Variants in GPC5 observed in about 807,000 individuals in gnomAD.
GPC5 encodes glypican 5, also known as glypican-5.
Under a neutral mutation model 53.9 loss-of-function variants are expected in GPC5, and 47 were observed. The observed-to-expected ratio is 0.87, with a 90% confidence interval of 0.69 to 1.11. The LOEUF (loss-of-function observed/expected upper bound fraction) is 1.11, where lower values mean the gene tolerates loss of function less well. Among genes scored for constraint, GPC5 ranks in the 50% most tolerant of loss-of-function variants. GPC5 has a pLI of 0.00. For missense variants in GPC5, 748 were observed against 713.1 expected (o/e 1.05, Z -0.56); for synonymous variants, 286 against 263.3 (o/e 1.09, Z -0.84).
intron 6 of GPC5, among the ~76,000 whole-genome samples, chr13:92,098,993 TCTATTCAC>T (rs976607912): frequency 6.6e-6 from 1 of 151,542 alleles, no homozygotes; most frequent in Non-Finnish European, 1.5e-5. Context: ...TTACCATATC[TCTATTCAC>T]CTATTCCCTT....
intron 2 of GPC5, among the ~76,000 whole-genome samples, chr13:91,612,466 C>A (rs888698969): frequency 6.6e-6 from 1 of 152,120 alleles, no homozygotes; most frequent in African/African-American, 2.4e-5. Flanking sequence ...CCACAGTTGT[C>A]CAGATTCTAT....
intron 7 of GPC5, among the ~76,000 whole-genome samples, chr13:92,599,439 T>C (rs1594335608): frequency 6.6e-6 from 1 of 152,000 alleles, no homozygotes. Flanking sequence ...GACAAAGTCC[T>C]GGATTTTAAA....
chr13:92,864,878 C>G (rs1879293273), intron 7 of GPC5, among the ~76,000 whole-genome samples: 1 of 151,940 alleles, frequency 6.6e-6, no homozygotes, highest in Non-Finnish European at 1.5e-5. Flanking sequence ...TATATATTGG[C>G]CTAATTACAT....
At chr13:92,288,470 G>A (rs1025752185) in intron 7 of GPC5, among the ~76,000 whole-genome samples, 1 of 152,128 alleles carries the variant, frequency 6.6e-6, no homozygotes, top group African/African-American at 2.4e-5. Flanking sequence ...TTTTCATAAG[G>A]ACTGTATTCA....
Position 92,696,908 on chromosome 13 carries a change from C to T in GPC5, c.1562-169374C>T, listed in dbSNP as rs545034473. On this transcript the variant is annotated intron_variant, in intron 7 of 7. Coordinates refer to ENST00000377067, the MANE Select transcript of GPC5 (RefSeq NM_004466.6). ...AAGGAAGGGATCCAGTTTCAGCTTT[C>T]TGCATATGGCTAGCCAGTTTTCCCA... 1.1e-4 allele frequency among the ~76,000 whole-genome samples: 16 copies of T among 152,286 alleles called. No homozygotes were observed. In the East Asian group the frequency reaches 1.5e-3, roughly 15 times the overall value.
At chr13:91,632,851 G>T (rs757735970) in intron 2 of GPC5, among the ~76,000 whole-genome samples, 1 of 152,126 alleles carries the variant, frequency 6.6e-6, no homozygotes, top group South Asian at 2.1e-4. Context: ...AAGATTATCT[G>T]CATCTTCTGC....
rs180871150 is a variant in GPC5, at chr13:92,275,321, C to A, written c.1561+130332C>A. ...CATGGATCCAGAGCAATGTGAGCAT[C>A]GCCACAGATATGCAAAATCCATTTA... On this transcript the variant is annotated intron_variant, in intron 7 of 7. Transcript: ENST00000377067. 1.4e-4 allele frequency among the ~76,000 whole-genome samples: 22 copies of A among 152,198 alleles called. No homozygotes were observed. The East Asian group carries it at 3.9e-3, about 27-fold the overall frequency.
intron 5 of GPC5, among the ~76,000 whole-genome samples, chr13:91,843,760 G>A (rs2038816909): frequency 2.0e-5 from 3 of 152,058 alleles, no homozygotes; most frequent in Admixed American, 2.0e-4. Flanking sequence ...AATGTTTCTA[G>A]GGAAGCATAA....
intron 5 of GPC5, among the ~76,000 whole-genome samples, chr13:91,842,571 G>C (rs1202833737): frequency 1.3e-5 from 2 of 149,976 alleles, no homozygotes; most frequent in African/African-American, 4.9e-5. Flanking sequence ...GCGTGTTGGC[G>C]GGCGCCTGTA....
At chr13:92,673,951 T>G (rs955832830) in intron 7 of GPC5, among the ~76,000 whole-genome samples, 23 of 152,316 alleles carry the variant, frequency 1.5e-4, no homozygotes, top group Admixed American at 1.4e-3. Context: ...ATGTTGATAT[T>G]AAAATAGAGT....
intron 7 of GPC5, among the ~76,000 whole-genome samples, chr13:92,208,698 C>T (rs2042354622): frequency 6.6e-6 from 1 of 152,156 alleles, no homozygotes; most frequent in Non-Finnish European, 1.5e-5. Flanking sequence ...GGTCGCTCTA[C>T]CATAATGACA....
intron 6 of GPC5, among the ~76,000 whole-genome samples, chr13:91,975,594 A>T (rs2040292326): frequency 6.6e-6 from 1 of 152,176 alleles, no homozygotes; most frequent in South Asian, 2.1e-4. Flanking sequence ...CCAGTTAGAA[A>T]GGTGATCATT....
intron 7 of GPC5, among the ~76,000 whole-genome samples, chr13:92,196,007 G>T (rs1408285005): frequency 6.6e-6 from 1 of 152,078 alleles, no homozygotes; most frequent in African/African-American, 2.4e-5. Context: ...AGACTTTCAG[G>T]GTCTGAAAGA....
chr13:92,488,248 T>A (rs1316722445), intron 7 of GPC5, among the ~76,000 whole-genome samples: 1 of 152,182 alleles, frequency 6.6e-6, no homozygotes, highest in Non-Finnish European at 1.5e-5. Context: ...GCAAACTTAC[T>A]AAACAGTCCA....
chr13:91,417,776 A>G (rs73612200), intron 1 of GPC5, among the ~76,000 whole-genome samples: 11,761 of 152,188 alleles, frequency 0.077, 1,463 homozygotes, highest in African/African-American at 0.27. Context: ...TAGTCTTTGT[A>G]GTAGTTCTTA....
At chr13:92,663,680 ATATATATCTACTATATATAT>A (rs1184506282) in intron 7 of GPC5, among the ~76,000 whole-genome samples, 12 of 140,686 alleles carry the variant, frequency 8.5e-5, no homozygotes, top group Admixed American at 2.9e-4. Context: ...TATATACACT[ATATATATCTACTATATATAT>A]TATATATCTA....
At chr13:92,197,849 T>C (rs2042268358) in intron 7 of GPC5, among the ~76,000 whole-genome samples, 1 of 151,918 alleles carries the variant, frequency 6.6e-6, no homozygotes, top group South Asian at 2.1e-4. Flanking sequence ...CCAGATGTCT[T>C]ACTGCTTCCC....
chr13:92,318,776 A>T (rs2043196817), intron 7 of GPC5, among the ~76,000 whole-genome samples: 1 of 152,194 alleles, frequency 6.6e-6, no homozygotes, highest in African/African-American at 2.4e-5. Flanking sequence ...TTCTTACGGT[A>T]GAAATGATCA....
At chr13:92,663,856 CTAT>C (rs1886462784) in intron 7 of GPC5, among the ~76,000 whole-genome samples, 1 of 88,340 alleles carries the variant, frequency 1.1e-5, no homozygotes, top group Non-Finnish European at 2.2e-5. Context: ...CACACACACA[CTAT>C]ATATATATAT....
Sources: gnomAD v4.1 joint callset for allele counts (sites outside exome capture counted in the v4.1 genomes callset) on GRCh38, gnomAD v4.1.1 for gene constraint, MANE v1.5 for transcripts, NCBI Gene and HGNC (gene_info 2026-07-23, HGNC 2026-07-21) for gene names.